Variants in GFRAL observed in about 807,000 individuals in gnomAD.
GFRAL encodes the protein GDNF family receptor alpha-like.
A neutral mutation model predicts 45.4 loss-of-function variants in GFRAL; 36 were observed. That is an observed-to-expected ratio of 0.79 (90% CI 0.61 to 1.05). The LOEUF (loss-of-function observed/expected upper bound fraction) is 1.05. GFRAL is among the 50% of genes least tolerant of loss of function. The probability of loss-of-function intolerance (pLI) is 0.00; values close to 1 mark genes in which losing one functional copy is unlikely to be tolerated. For missense variants in GFRAL, 507 were observed against 467.5 expected (o/e 1.08, Z -0.78); for synonymous variants, 166 against 154.1 (o/e 1.08, Z -0.57).
Position 55,354,920 on chromosome 6 carries a change from C to A in GFRAL, c.701+3337C>A, listed in dbSNP as rs534579307. On this transcript the variant is annotated intron_variant, in intron 5 of 8. Transcript: ENST00000340465. ...TAAGGGCCATTTCTCAATTACCTTT[C>A]TCTAGTACCGACACCCTCAGGGAGG... Among the ~76,000 whole-genome samples the A allele has an allele frequency of 5.3e-5, 8 of 152,046 alleles. No homozygotes were observed. The South Asian group carries it at 1.5e-3, about 28-fold the overall frequency.
chr6:55,346,017 C>T (rs1482801357), intron 3 of GFRAL, among the ~76,000 whole-genome samples: 3 of 151,972 alleles, frequency 2.0e-5, no homozygotes, highest in East Asian at 1.9e-4. Context: ...GTTAGAATGG[C>T]GATCATTAAA....
chr6:55,361,844 C>T (rs565114523), intron 6 of GFRAL, among the ~76,000 whole-genome samples: 1 of 152,128 alleles, frequency 6.6e-6, no homozygotes, highest in East Asian at 1.9e-4. Flanking sequence ...CTTCTGCTTT[C>T]TTTACTTGAA....
intron 6 of GFRAL, among the ~76,000 whole-genome samples, chr6:55,380,756 A>G (rs538820760): frequency 2.0e-5 from 3 of 152,078 alleles, no homozygotes; most frequent in South Asian, 4.1e-4. Flanking sequence ...TAGCCACTCA[A>G]TAAGTAGTGA....
chr6:55,401,974 T>G lies in GFRAL; in HGVS notation c.*121T>G. 1.6e-6 allele frequency: 1 copy of G among 606,720 alleles called. No individual in the cohort carries two copies. Among genetic ancestry groups the G allele is most frequent in the Non-Finnish European group, 2.8e-6 (1 of 353,090 alleles). The allele number at this position is 606,720 out of a possible 1,614,324, so 37.6% of individuals were successfully genotyped here. ...CCTCCCCTCCCCTCTCTGTTTCTTTTTCTTTTTCTTTTCTTTTTTGTGGCG... is the reference window on the plus strand; with the variant it reads ...CCTCCCCTCCCCTCTCTGTTTCTTTGTCTTTTTCTTTTCTTTTTTGTGGCG... On this transcript the variant is annotated 3_prime_UTR_variant, in exon 9 of 9. Coordinates refer to ENST00000340465, the MANE Select transcript of GFRAL (RefSeq NM_207410.2).
At chr6:55,331,392 C>G (rs1767827123) in intron 1 of GFRAL, among the ~76,000 whole-genome samples, 1 of 151,976 alleles carries the variant, frequency 6.6e-6, no homozygotes, top group Admixed American at 6.6e-5. Flanking sequence ...AGTTTAAAAC[C>G]ATTAAGTTAG....
intron 6 of GFRAL, among the ~76,000 whole-genome samples, chr6:55,374,199 G>T (rs1023157440): frequency 2.0e-5 from 3 of 152,136 alleles, no homozygotes; most frequent in Non-Finnish European, 2.9e-5. Context: ...GAATAGTGCT[G>T]CAGTGAACAT....
intron 6 of GFRAL, among the ~76,000 whole-genome samples, chr6:55,363,636 G>C (rs1297066832): frequency 7.7e-6 from 1 of 129,184 alleles, no homozygotes; most frequent in Non-Finnish European, 1.5e-5. Context: ...CCCTTCCTGT[G>C]TCCATGTGAT....
At chr6:55,339,217 C>A (rs1348392594) in intron 3 of GFRAL, among the ~76,000 whole-genome samples, 2 of 152,124 alleles carry the variant, frequency 1.3e-5, no homozygotes, top group African/African-American at 2.4e-5. Context: ...GATTGCTATA[C>A]ATTGAGCCAA....
chr6:55,383,753 T>C (rs1339478696), intron 6 of GFRAL, among the ~76,000 whole-genome samples: 1 of 151,996 alleles, frequency 6.6e-6, no homozygotes, highest in South Asian at 2.1e-4. Flanking sequence ...CTGATTGACA[T>C]GATGCACTTT....
At chr6:55,359,168 A>ATCTC (rs1768239674) in intron 6 of GFRAL, 30 bp downstream of exon 6, 1 of 1,523,708 alleles carries the variant, frequency 6.6e-7, no homozygotes, top group African/African-American at 1.4e-5. Context: ...TTATCTGTCT[A>ATCTC]TCTATCTATC....
At chr6:55,328,908 C>T (rs1447723945) in intron 1 of GFRAL, among the ~76,000 whole-genome samples, 1 of 151,906 alleles carries the variant, frequency 6.6e-6, no homozygotes, top group Non-Finnish European at 1.5e-5. Flanking sequence ...CTAAATAGGT[C>T]TTATAATGAG....
chr6:55,328,277 A>C (rs1767790747), intron 1 of GFRAL, among the ~76,000 whole-genome samples: 1 of 151,926 alleles, frequency 6.6e-6, no homozygotes, highest in African/African-American at 2.4e-5. Flanking sequence ...TATCTTCTTT[A>C]GCATTTGGTA....
At chr6:55,359,855 T>G (rs982013665) in intron 6 of GFRAL, among the ~76,000 whole-genome samples, 16 of 151,630 alleles carry the variant, frequency 1.1e-4, no homozygotes, top group African/African-American at 3.9e-4. Context: ...ACTGTGGGAG[T>G]GGACTACATA....
intron 6 of GFRAL, among the ~76,000 whole-genome samples, chr6:55,394,567 TA>T (rs1443288454): frequency 2.0e-5 from 3 of 152,118 alleles, no homozygotes; most frequent in Admixed American, 1.3e-4. Flanking sequence ...TCAAGACAAC[TA>T]TTTCAAGACA....
At chr6:55,334,396 T>C (rs1767867049) in intron 3 of GFRAL, among the ~76,000 whole-genome samples, 1 of 152,138 alleles carries the variant, frequency 6.6e-6, no homozygotes, top group Non-Finnish European at 1.5e-5. Context: ...ATTGCTAGAG[T>C]TATACTTGCC....
intron 3 of GFRAL, among the ~76,000 whole-genome samples, chr6:55,337,614 A>T (rs1263773462): frequency 3.9e-5 from 6 of 152,178 alleles, no homozygotes; most frequent in Admixed American, 1.3e-4. Flanking sequence ...CTATTTCTTC[A>T]TGAGTGAGCT....
chr6:55,346,790 TG>T (rs1768047975), intron 3 of GFRAL, among the ~76,000 whole-genome samples: 1 of 143,694 alleles, frequency 7.0e-6, no homozygotes, highest in South Asian at 2.2e-4. Flanking sequence ...TTTATCTTGG[TG>T]GAAATAACCT....
chr6:55,339,628 G>A (rs999748997), intron 3 of GFRAL, among the ~76,000 whole-genome samples: 2 of 152,006 alleles, frequency 1.3e-5, no homozygotes, highest in Admixed American at 1.3e-4. Flanking sequence ...ATGAAAGAGA[G>A]GACATGAAGA....
At chr6:55,343,694 A>C (rs1768000380) in intron 3 of GFRAL, among the ~76,000 whole-genome samples, 1 of 152,204 alleles carries the variant, frequency 6.6e-6, no homozygotes, top group Admixed American at 6.5e-5. Flanking sequence ...GAACTGAAGG[A>C]AATAGAGACA....
Sources: allele counts gnomAD v4.1 joint callset (sites outside exome capture counted in the v4.1 genomes callset), GRCh38; gene constraint gnomAD v4.1.1; transcripts MANE v1.5; gene names NCBI Gene and HGNC (gene_info 2026-07-23, HGNC 2026-07-21).